C14orf93: variants seen among roughly 807,000 people sequenced by gnomAD.
C14orf93 encodes the protein chromosome 14 open reading frame 93.
Under a neutral mutation model 44.0 loss-of-function variants are expected in C14orf93, and 23 were observed. That is an observed-to-expected ratio of 0.52 (90% CI 0.38 to 0.74). C14orf93 has a LOEUF of 0.74. Among genes scored for constraint, C14orf93 ranks in the 30% least tolerant of loss-of-function variants. The probability of loss-of-function intolerance (pLI) is 0.00; values close to 1 mark genes in which losing one functional copy is unlikely to be tolerated. For missense variants in C14orf93, 579 were observed against 678.9 expected, an observed-to-expected ratio of 0.85 and a Z score of 1.64; for synonymous variants, 253 against 265.7, an observed-to-expected ratio of 0.95 and a Z score of 0.46.
At chr14:23,001,452 C>T (rs2046290910) in intron 1 of C14orf93, among the ~76,000 whole-genome samples, 1 of 152,110 alleles carries the variant, frequency 6.6e-6, no homozygotes, top group African/African-American at 2.4e-5. Flanking sequence ...AAGCTCTTCC[C>T]CTCTCTTTTA....
At chr14:22,995,698 A>AAG (rs1445077092) in intron 3 of C14orf93, among the ~76,000 whole-genome samples, 2 of 151,506 alleles carry the variant, frequency 1.3e-5, no homozygotes, top group African/African-American at 2.4e-5. Context: ...AAAAAAAAAA[A>AAG]AAAAAGAACA....
At chr14:22,991,522 G>C (rs1447724404) in intron 3 of C14orf93, among the ~76,000 whole-genome samples, 2 of 151,482 alleles carry the variant, frequency 1.3e-5, no homozygotes, top group African/African-American at 4.9e-5. Context: ...TGGGATTACA[G>C]GTGTGAGCCA....
rs375192351 is a variant in C14orf93, at chr14:22,998,603, C to T, written c.421G>A (p.Val141Met). The stretch of plus-strand genomic sequence containing the variant: ...CCCACGCTGTCACACTCCTCTTCCA[C>T]GGCAGACAGAGCCTTAAAGGCTTCC... Reference protein sequence around the residue: ...PGEAFKALSAVEEECDSVGSG... With the variant: ...PGEAFKALSAMEEECDSVGSG... The change falls in exon 2 of 7, where the codon GTG becomes ATG. Residue 141 changes from valine to methionine, a missense_variant. Coordinates refer to ENST00000299088, the MANE Select transcript of C14orf93 (RefSeq NM_021944.4). 69 of 1,614,076 alleles carry T rather than the reference C, an allele frequency of 4.3e-5. No individual in the cohort carries two copies. Among genetic ancestry groups the T allele is most frequent in the South Asian group, 1.3e-4 (12 of 91,094 alleles).
rs1019257550 is a variant in C14orf93 at position 22,999,161 on chromosome 14, G to A, written c.-138C>T. The A allele has an allele frequency of 7.4e-6, 10 of 1,346,826 alleles. No homozygotes were observed. Among genetic ancestry groups the A allele is most frequent in the East Asian group, 7.4e-5 (3 of 40,510 alleles). 83.4% of individuals were successfully genotyped at this position (1,346,826 alleles called of 1,614,324 possible). A position where few individuals can be genotyped will look rare whatever the true frequency, so the allele number is the denominator to read the frequency against. ...CCAGGCCCCAAGCTGTAGGGTCTGT[G>A]AAAGAAGAGTAAACAAGCCATGAAG... On this transcript the variant is annotated 5_prime_UTR_variant, in exon 2 of 7. Coordinates refer to ENST00000299088, the MANE Select transcript of C14orf93 (RefSeq NM_021944.4).
rs1370223165 is a variant in C14orf93 at position 22,998,715 on chromosome 14, C to T, written c.309G>A (p.Gly103=). The change falls in exon 2 of 7, where the codon GGG becomes GGA. Residue 103 remains glycine, a synonymous_variant. Coordinates refer to ENST00000299088, the MANE Select transcript of C14orf93 (RefSeq NM_021944.4). The part of the protein sequence containing the change: ...LQEEVGDLRQ[G]KVSIPDEDGE... ...CATCTTCATCAGGGATGGACACTTT[C>T]CCTTGCCTCAGGTCACCCACTTCCT... 1 of 1,614,224 alleles carries T rather than the reference C, an allele frequency of 6.2e-7. No individual in the cohort carries two copies. The highest frequency in any genetic ancestry group is 1.1e-5 in the South Asian group (1 of 91,090).
chr14:22,988,990 A>AT (rs1019960780), intron 5 of C14orf93, among the ~76,000 whole-genome samples: 39 of 152,132 alleles, frequency 2.6e-4, no homozygotes, highest in African/African-American at 7.7e-4. Context: ...GATTACAAGT[A>AT]TTTTTTTATT....
Position 22,988,022 on chromosome 14 carries a change from G to C in C14orf93, c.1085-7C>G. 6.2e-7 allele frequency: 1 copy of C among 1,600,904 alleles called. No individual in the cohort carries two copies. The highest frequency in any genetic ancestry group is 1.8e-4 in the Middle Eastern group (1 of 5,460). ...AAGTAGGCCACACAGGCTCCTGGCG[G>C]GGAGGGAAGGAAGGGAGCAAGAAGG... is the stretch of plus-strand genomic sequence containing the variant. On this transcript the variant is annotated splice_polypyrimidine_tract_variant and splice_region_variant and intron_variant, in intron 5 of 6. Transcript: ENST00000299088.
intron 3 of C14orf93, among the ~76,000 whole-genome samples, chr14:22,990,825 T>TA (rs1485233404): frequency 6.7e-6 from 1 of 149,694 alleles, no homozygotes; most frequent in Non-Finnish European, 1.5e-5. Flanking sequence ...TCCTTTTCTT[T>TA]TTTTTTTTTT....
chr14:23,007,754 A>C (rs1156286886), intron 1 of C14orf93, among the ~76,000 whole-genome samples: 6 of 152,212 alleles, frequency 3.9e-5, no homozygotes, highest in Non-Finnish European at 8.8e-5. Context: ...CTGTTCAGGG[A>C]GAGCTCTCCC....
intron 1 of C14orf93, among the ~76,000 whole-genome samples, chr14:23,009,855 GA>G (rs966650479): frequency 1.5e-4 from 23 of 150,314 alleles, no homozygotes; most frequent in South Asian, 8.4e-4. Context: ...TTAAAAAAAA[GA>G]AAAAAAAACT....
rs758471653 is a variant in C14orf93, at chr14:23,000,714, CAAA to C, written c.-379-1315_-379-1313del. ...CTGGCAACAGGGCGAGACTCCACCT[CAAA>C]AAAAAAAAAAAAAAAAAAAGAGTAG... is the stretch of plus-strand genomic sequence containing the variant. On this transcript the variant is annotated intron_variant, in intron 1 of 6. Coordinates refer to ENST00000299088, the MANE Select transcript of C14orf93 (RefSeq NM_021944.4). Among the ~76,000 whole-genome samples, 288 of 55,098 alleles carry C rather than the reference CAAA, an allele frequency of 5.2e-3. 1 individual carries two copies. The highest frequency in any genetic ancestry group is 0.018 in the African/African-American group (274 of 15,434). 36.1% of individuals were successfully genotyped at this position (55,098 alleles called of 152,430 possible).
At chr14:22,991,704 G>T (rs2045644012) in intron 3 of C14orf93, among the ~76,000 whole-genome samples, 1 of 151,018 alleles carries the variant, frequency 6.6e-6, no homozygotes, top group Non-Finnish European at 1.5e-5. Flanking sequence ...CCGAGTAGCT[G>T]GGACTACAGG....
chr14:22,999,061 G>T lies in C14orf93; in HGVS notation c.-38C>A. On this transcript the variant is annotated 5_prime_UTR_variant, in exon 2 of 7. Coordinates refer to ENST00000299088, the MANE Select transcript of C14orf93 (RefSeq NM_021944.4). ...AGTAACAACCACGCTTACACTGCTG[G>T]GCCGCTCCAACAGGTAGGAAGCATC... is the stretch of plus-strand genomic sequence containing the variant. 1 of 1,560,478 alleles carries T rather than the reference G, an allele frequency of 6.4e-7. No individual in the cohort carries two copies. Among genetic ancestry groups the T allele is most frequent in the Non-Finnish European group, 8.7e-7 (1 of 1,156,046 alleles).
chr14:23,004,532 G>A (rs2046531953), intron 1 of C14orf93, among the ~76,000 whole-genome samples: 1 of 152,112 alleles, frequency 6.6e-6, no homozygotes, highest in Non-Finnish European at 1.5e-5. Flanking sequence ...TCAAATGAAA[G>A]GAAGACAAAG....
Position 22,986,717 on chromosome 14 carries a change from G to A in C14orf93, c.*498C>T, listed in dbSNP as rs2045244267. 6.2e-6 allele frequency: 1 copy of A among 161,038 alleles called. No homozygotes were observed. Among genetic ancestry groups the A allele is most frequent in the Non-Finnish European group, 1.4e-5 (1 of 72,562 alleles). The allele number at this position is 161,038 out of a possible 1,614,324, so 10.0% of individuals were successfully genotyped here. ...GATAGAACTTGTGTTCCCTTGGTCA[G>A]AAGACTCAAGCTCATGACTGAAACT... On this transcript the variant is annotated 3_prime_UTR_variant, in exon 7 of 7. Coordinates refer to ENST00000299088, the MANE Select transcript of C14orf93 (RefSeq NM_021944.4).
intron 1 of C14orf93, chr14:23,000,261 A>T (rs189324304): frequency 6.6e-6 from 1 of 152,312 alleles, no homozygotes; most frequent in Admixed American, 6.5e-5. Context: ...TACCACTGAG[A>T]ACACTCCCGG....
intron 1 of C14orf93, chr14:23,007,252 C>T (rs7156785): frequency 0.27 from 40,679 of 152,188 alleles, 5,715 homozygotes; most frequent in African/African-American, 0.33. Context: ...ACACTATTGG[C>T]TGCAAACAAC....
intron 3 of C14orf93, among the ~76,000 whole-genome samples, chr14:22,992,654 T>C (rs1289548245): frequency 1.3e-5 from 2 of 151,610 alleles, no homozygotes; most frequent in Admixed American, 6.6e-5. Flanking sequence ...CTCGGCTCAC[T>C]GCAACCTCTG....
intron 1 of C14orf93, chr14:23,005,048 T>G (rs946540137): frequency 5.3e-5 from 8 of 152,054 alleles, no homozygotes; most frequent in Non-Finnish European, 1.0e-4. Context: ...GAAATCATAC[T>G]GAGAAAGAGT....
Sources: gnomAD v4.1 joint callset for allele counts (sites outside exome capture counted in the v4.1 genomes callset) on GRCh38, gnomAD v4.1.1 for gene constraint, MANE v1.5 for transcripts, NCBI Gene and HGNC (gene_info 2026-07-23, HGNC 2026-07-21) for gene names.